The following OPA1 variants were observed in gnomAD, a reference collection of about 807,000 sequenced individuals.
OPA1 encodes the protein OPA1 mitochondrial dynamin like GTPase.
OPA1 carries 59 observed loss-of-function variants against 152.9 expected under a neutral mutation model. The observed-to-expected ratio is 0.39, with a 90% confidence interval of 0.31 to 0.48. OPA1 has a LOEUF of 0.48. Among genes scored for constraint, OPA1 ranks in the 20% least tolerant of loss-of-function variants. The pLI, the probability that OPA1 is intolerant of heterozygous loss-of-function variation, is 0.96. For missense variants in OPA1, 1,008 were observed against 1,216.8 expected (o/e 0.83, Z 2.55); for synonymous variants, 400 against 389.9 (o/e 1.03, Z -0.31).
chr3:193,658,062 G>A (rs979023918), intron 23 of OPA1, among the ~76,000 whole-genome samples: 14 of 151,994 alleles, frequency 9.2e-5, no homozygotes, highest in African/African-American at 1.2e-4. Flanking sequence ...CCTGACCAAC[G>A]TGGATAAACC....
chr3:193,669,252 T>C (rs1441982927), intron 29 of OPA1, among the ~76,000 whole-genome samples: 1 of 152,238 alleles, frequency 6.6e-6, no homozygotes, highest in Non-Finnish European at 1.5e-5. Flanking sequence ...TCTCTCCCTC[T>C]AGTAATAATC....
intron 29 of OPA1, among the ~76,000 whole-genome samples, chr3:193,676,984 A>C (rs1719227293): frequency 6.9e-6 from 1 of 145,484 alleles, no homozygotes; most frequent in Non-Finnish European, 1.5e-5. Flanking sequence ...CGTCTCAAAA[A>C]AAAAAAAAAA....
intron 29 of OPA1, among the ~76,000 whole-genome samples, chr3:193,674,004 T>C (rs1222539470): frequency 2.6e-5 from 4 of 152,230 alleles, no homozygotes; most frequent in Non-Finnish European, 4.4e-5. Flanking sequence ...AGCTGGCCCT[T>C]TTACTGGAGC....
intron 29 of OPA1, among the ~76,000 whole-genome samples, chr3:193,670,035 C>T (rs1717564838): frequency 6.6e-6 from 1 of 152,158 alleles, no homozygotes; most frequent in Non-Finnish European, 1.5e-5. Flanking sequence ...GGAGATGAGC[C>T]ATGACTTTGT....
rs533525777 is a variant in OPA1, at chr3:193,695,147, A to C, written c.*547A>C. 9 of 152,322 alleles carry C rather than the reference A, an allele frequency of 5.9e-5. No homozygotes were observed. In the East Asian group the frequency reaches 1.7e-3, roughly 29 times the overall value. The allele number at this position is 152,322 out of a possible 1,614,324, so 9.4% of individuals were successfully genotyped here. Reference sequence around the variant, plus strand: ...TTCACCACATGAAAGAAAAATGGGTAACAGAAGAACCCTTAAAACAGGTTA... The same window carrying C: ...TTCACCACATGAAAGAAAAATGGGTCACAGAAGAACCCTTAAAACAGGTTA... On this transcript the variant is annotated 3_prime_UTR_variant, in exon 31 of 31. Transcript: ENST00000361510.
At chr3:193,603,295 A>G (rs1389213025) in intron 1 of OPA1, among the ~76,000 whole-genome samples, 1 of 152,204 alleles carries the variant, frequency 6.6e-6, no homozygotes, top group Non-Finnish European at 1.5e-5. Context: ...TGCAAATCAG[A>G]TGCGTTGCAC....
intron 29 of OPA1, among the ~76,000 whole-genome samples, chr3:193,690,260 TATC>T (rs1486925507): frequency 6.6e-6 from 1 of 151,636 alleles, no homozygotes; most frequent in Admixed American, 6.6e-5. Context: ...TAATAACTAT[TATC>T]ATATTTTCTC....
rs1434460332 is a variant in OPA1 at position 193,633,758 on chromosome 3, C to A, written c.844-1660C>A. Among the ~76,000 whole-genome samples, 3 of 152,270 alleles carry A rather than the reference C, an allele frequency of 2.0e-5. No homozygotes were observed. In the East Asian group the frequency reaches 5.8e-4, roughly 29 times the overall value. On this transcript the variant is annotated intron_variant, in intron 8 of 30. Transcript: ENST00000361510. ...ATATGAATGAGGTATTTTACACTTA[C>A]AGCACAACCTCACTTCAGGCCAGCC...
At chr3:193,630,580 T>A (rs1356786405) in intron 7 of OPA1, among the ~76,000 whole-genome samples, 2 of 152,228 alleles carry the variant, frequency 1.3e-5, no homozygotes, top group Non-Finnish European at 2.9e-5. Context: ...GTGTTGTGAT[T>A]GCTTAAATAA....
In OPA1 at chr3:193,645,608, C is replaced by T. The variant is rs1734455205; in HGVS notation, c.1664C>T (p.Ala555Val). The change falls in exon 17 of 31, where the codon GCT (alanine) becomes GTT (valine). Residue 555 changes from alanine to valine, a missense_variant. Around this residue, in one of 7 missense-constraint regions of OPA1, gnomAD observed 213 missense variants for 291.4 expected, o/e 0.73. Coordinates refer to ENST00000361510, the MANE Select transcript of OPA1 (RefSeq NM_130837.3). Reference sequence around the variant, plus strand: ...CCAATGAAAGCTTTAGGTTATTTTGCTGTTGTAACAGGAAAAGGTATGCAA... The same window carrying T: ...CCAATGAAAGCTTTAGGTTATTTTGTTGTTGTAACAGGAAAAGGTATGCAA... Reference protein sequence around the residue: ...LFPMKALGYFAVVTGKGNSSE... With the variant: ...LFPMKALGYFVVVTGKGNSSE... 1.2e-6 allele frequency: 2 copies of T among 1,612,420 alleles called. No homozygotes were observed. The highest frequency in any genetic ancestry group is 8.5e-7 in the Non-Finnish European group (1 of 1,178,872).
chr3:193,678,331 C>T (rs1719527304), intron 29 of OPA1, among the ~76,000 whole-genome samples: 2 of 151,332 alleles, frequency 1.3e-5, no homozygotes. Context: ...TTTTTAACAT[C>T]CTTTTCATTA....
intron 26 of OPA1, 25 bp downstream of exon 26, chr3:193,662,987 G>A (rs753936334): frequency 1.2e-6 from 2 of 1,607,698 alleles, no homozygotes; most frequent in Admixed American, 1.7e-5. Flanking sequence ...TGAGAAGCAG[G>A]AATCTGCTTC....
chr3:193,601,299 G>A (rs1404273874), intron 1 of OPA1, among the ~76,000 whole-genome samples: 1 of 152,118 alleles, frequency 6.6e-6, no homozygotes, highest in Non-Finnish European at 1.5e-5. Flanking sequence ...GCTAATTTCA[G>A]TTATTGATCA....
At chr3:193,607,770 T>G (rs1190095859) in intron 1 of OPA1, among the ~76,000 whole-genome samples, 1 of 152,224 alleles carries the variant, frequency 6.6e-6, no homozygotes, top group Non-Finnish European at 1.5e-5. Context: ...ATATGAACTT[T>G]AAAGTAGTTT....
chr3:193,644,403 G>A (rs890062046), intron 16 of OPA1, among the ~76,000 whole-genome samples: 3 of 152,104 alleles, frequency 2.0e-5, no homozygotes, highest in Admixed American at 6.5e-5. Context: ...TTCATCGGAG[G>A]TTAGTCATTT....
rs967027450 is a variant in OPA1 at position 193,695,468 on chromosome 3, G to A, written c.*868G>A. The stretch of plus-strand genomic sequence containing the variant: ...GAATATTATCAAACATTTCAACTAG[G>A]TATCAGAAAAAGGCTTTCTTTCATA... On this transcript the variant is annotated 3_prime_UTR_variant, in exon 31 of 31. Coordinates refer to ENST00000361510, the MANE Select transcript of OPA1 (RefSeq NM_130837.3). 1.8e-4 allele frequency: 27 copies of A among 152,108 alleles called. No individual in the cohort carries two copies. Among genetic ancestry groups the A allele is most frequent in the Admixed American group, 1.6e-3 (25 of 15,282 alleles). The allele number at this position is 152,108 out of a possible 1,614,324, so 9.4% of individuals were successfully genotyped here.
intron 30 of OPA1, among the ~76,000 whole-genome samples, chr3:193,692,539 T>G (rs1307710650): frequency 6.6e-6 from 1 of 152,218 alleles, no homozygotes; most frequent in Admixed American, 6.5e-5. Context: ...TAATTAAAAT[T>G]TTAATAATTG....
chr3:193,628,052 C>A (rs1403013015), intron 7 of OPA1, among the ~76,000 whole-genome samples: 1 of 152,086 alleles, frequency 6.6e-6, no homozygotes, highest in African/African-American at 2.4e-5. Flanking sequence ...CCACTCCTTT[C>A]CCCCTGTAGT....
At chr3:193,668,792 G>A in intron 29 of OPA1, 2 of 1,180,858 alleles carry the variant, frequency 1.7e-6, no homozygotes, top group South Asian at 3.6e-5. Flanking sequence ...ACTGTTTGGG[G>A]TTGATATTTG....
Sources: gnomAD v4.1 joint callset for allele counts (sites outside exome capture counted in the v4.1 genomes callset) on GRCh38, gnomAD v4.1.1 for gene constraint, gnomAD v4.1.1 regional missense constraint, MANE v1.5 for transcripts, NCBI Gene and HGNC (gene_info 2026-07-23, HGNC 2026-07-21) for gene names.